SATB2: variants seen among roughly 807,000 people sequenced by gnomAD.
SATB2 encodes the protein DNA-binding protein SATB2.
SATB2 carries 1 observed loss-of-function variant against 73.4 expected under a neutral mutation model. The ratio of observed to expected loss-of-function variants is 0.01; its 90% CI spans 0.00 to 0.06. SATB2 has a LOEUF of 0.06. SATB2 is among the 10% of genes least tolerant of loss of function. The pLI, the probability that SATB2 is intolerant of heterozygous loss-of-function variation, is 1.00. For missense variants in SATB2, 459 were observed against 945.8 expected (o/e 0.49, Z 6.75); for synonymous variants, 397 against 367.0 (o/e 1.08, Z -0.93).
rs762230959 is a variant in SATB2 at position 199,349,013 on chromosome 2, G to A, written c.861C>T (p.Pro287=). The change falls in exon 7 of 11, where the codon CCC becomes CCT. Residue 287 remains proline, a synonymous_variant. Coordinates refer to ENST00000417098, the MANE Select transcript of SATB2 (RefSeq NM_001172509.2). ...CAGGGCTCATGATGGGCTGTAATGC[G>A]GGCACTTGGTTTCGGATTGGAGTAC... is the stretch of plus-strand genomic sequence containing the variant. ...HHSTPIRNQV[P]ALQPIMSPGL... 1.9e-6 allele frequency: 3 copies of A among 1,614,110 alleles called. No homozygotes were observed. The highest frequency in any genetic ancestry group is 2.5e-6 in the Non-Finnish European group (3 of 1,179,984).
intron 2 of SATB2, among the ~76,000 whole-genome samples, chr2:199,437,356 C>A (rs1486900424): frequency 6.6e-6 from 1 of 152,130 alleles, no homozygotes. Flanking sequence ...AAGCCTGGTA[C>A]CCTCTCTACA....
At chr2:199,407,138 T>C (rs1171777799) in intron 3 of SATB2, among the ~76,000 whole-genome samples, 1 of 151,854 alleles carries the variant, frequency 6.6e-6, no homozygotes, top group East Asian at 1.9e-4. Flanking sequence ...CTGGCCAACA[T>C]GGTGAAACCT....
intron 10 of SATB2, among the ~76,000 whole-genome samples, chr2:199,304,267 T>G (rs1687369117): frequency 6.6e-6 from 1 of 152,196 alleles, no homozygotes; most frequent in Non-Finnish European, 1.5e-5. Context: ...GGCCTTGGGT[T>G]ATAATAACTA....
At chr2:199,307,250 T>C (rs1312327338) in intron 10 of SATB2, among the ~76,000 whole-genome samples, 1 of 152,186 alleles carries the variant, frequency 6.6e-6, no homozygotes, top group Non-Finnish European at 1.5e-5. Context: ...TGACAATAAA[T>C]AGGAGCTTCC....
intron 6 of SATB2, among the ~76,000 whole-genome samples, chr2:199,365,139 A>G (rs1689244887): frequency 1.3e-5 from 2 of 152,138 alleles, no homozygotes; most frequent in Non-Finnish European, 2.9e-5. Context: ...ATGGAATCTC[A>G]TGTACAATAC....
At chr2:199,287,101 C>A (rs900548639) in intron 10 of SATB2, among the ~76,000 whole-genome samples, 4 of 152,152 alleles carry the variant, frequency 2.6e-5, no homozygotes, top group African/African-American at 9.7e-5. Flanking sequence ...TAAGCATGAT[C>A]CCTCAGAATG....
chr2:199,359,506 TC>T (rs970915236), intron 6 of SATB2, among the ~76,000 whole-genome samples: 1 of 152,288 alleles, frequency 6.6e-6, no homozygotes, highest in African/African-American at 2.4e-5. Flanking sequence ...TTCTTTTTTT[TC>T]TCTCAATTGA....
chr2:199,398,842 T>C (rs1432033152), intron 3 of SATB2, among the ~76,000 whole-genome samples: 1 of 152,288 alleles, frequency 6.6e-6, no homozygotes, highest in Non-Finnish European at 1.5e-5. Flanking sequence ...AAATAAAGAC[T>C]CACAGAATGA....
At chr2:199,364,934 A>G (rs1237300630) in intron 6 of SATB2, among the ~76,000 whole-genome samples, 1 of 152,140 alleles carries the variant, frequency 6.6e-6, no homozygotes, top group Non-Finnish European at 1.5e-5. Flanking sequence ...GTGCTACTAC[A>G]TATATGATTG....
chr2:199,283,115 ACT>A (rs1484514545), intron 10 of SATB2, among the ~76,000 whole-genome samples: 2 of 147,050 alleles, frequency 1.4e-5, no homozygotes, highest in Admixed American at 1.4e-4. Flanking sequence ...ATGGAATCTC[ACT>A]CTGTCGCCCA....
At chr2:199,393,416 A>G (rs1377062114) in intron 3 of SATB2, among the ~76,000 whole-genome samples, 3 of 151,930 alleles carry the variant, frequency 2.0e-5, no homozygotes, top group Admixed American at 2.0e-4. Context: ...GAGCGCCCAT[A>G]CTCTTGGTAC....
chr2:199,281,027 T>A (rs10192948), intron 10 of SATB2, among the ~76,000 whole-genome samples: 18,037 of 152,094 alleles, frequency 0.12, 1,172 homozygotes, highest in South Asian at 0.19. Context: ...TTAAAATTTC[T>A]CTCTTTGTAC....
chr2:199,361,837 G>A (rs1318890786), intron 6 of SATB2, among the ~76,000 whole-genome samples: 2 of 143,292 alleles, frequency 1.4e-5, no homozygotes, highest in Non-Finnish European at 3.0e-5. Context: ...AGCTCACTTC[G>A]ACCTCCACTT....
At chr2:199,283,262 T>TTG (rs1553540140) in intron 10 of SATB2, among the ~76,000 whole-genome samples, 2 of 149,710 alleles carry the variant, frequency 1.3e-5, no homozygotes, top group Non-Finnish European at 3.0e-5. Flanking sequence ...TTTTTTTTTT[T>TTG]TGTATTTTTT....
chr2:199,450,078 T>C (rs1174641797), intron 2 of SATB2, among the ~76,000 whole-genome samples: 1 of 152,100 alleles, frequency 6.6e-6, no homozygotes, highest in Non-Finnish European at 1.5e-5. Flanking sequence ...TTCTTATTCT[T>C]GGGGAGTGGG....
At chr2:199,414,877 T>C (rs1039856630) in intron 3 of SATB2, among the ~76,000 whole-genome samples, 3 of 152,116 alleles carry the variant, frequency 2.0e-5, no homozygotes, top group Non-Finnish European at 4.4e-5. Flanking sequence ...GAATGATCAC[T>C]GGCACGTGGT....
intron 3 of SATB2, among the ~76,000 whole-genome samples, chr2:199,425,966 A>C (rs1257448022): frequency 6.6e-6 from 1 of 152,166 alleles, no homozygotes; most frequent in African/African-American, 2.4e-5. Flanking sequence ...TGTTCTCCAA[A>C]TAGTGTTTTA....
intron 7 of SATB2, among the ~76,000 whole-genome samples, chr2:199,340,737 G>A (rs1688481680): frequency 6.6e-6 from 1 of 152,176 alleles, no homozygotes; most frequent in Non-Finnish European, 1.5e-5. Context: ...GTATAGAGAA[G>A]ATATGAGGAT....
intron 3 of SATB2, among the ~76,000 whole-genome samples, chr2:199,422,850 A>G (rs1328344437): frequency 2.0e-5 from 3 of 152,214 alleles, no homozygotes; most frequent in African/African-American, 7.2e-5. Context: ...TATTATAGCC[A>G]TAATATGTCT....
Sources: allele counts gnomAD v4.1 joint callset (sites outside exome capture counted in the v4.1 genomes callset), GRCh38; gene constraint gnomAD v4.1.1; transcripts MANE v1.5; gene names NCBI Gene and HGNC (gene_info 2026-07-23, HGNC 2026-07-21).